Variants in BTRC observed in about 807,000 individuals in gnomAD.
BTRC encodes F-box/WD repeat-containing protein 1A.
A neutral mutation model predicts 85.5 loss-of-function variants in BTRC; 42 were observed. That is an observed-to-expected ratio of 0.49 (90% confidence interval 0.38 to 0.64). BTRC has a LOEUF of 0.64. BTRC is among the 30% of genes least tolerant of loss of function. The probability of loss-of-function intolerance (pLI) is 0.00; values close to 1 mark genes in which losing one functional copy is unlikely to be tolerated. For missense variants in BTRC, 594 were observed against 743.5 expected, an observed-to-expected ratio of 0.80 and a Z score of 2.34; for synonymous variants, 255 against 263.3, an observed-to-expected ratio of 0.97 and a Z score of 0.30.
chr10:101,404,486 T>C (rs1034193927), intron 1 of BTRC, among the ~76,000 whole-genome samples: 3 of 152,336 alleles, frequency 2.0e-5, no homozygotes, highest in Non-Finnish European at 4.4e-5. Flanking sequence ...ATTATGCAAC[T>C]CAGTTTTGTT....
At chr10:101,412,570 T>C (rs1297780898) in intron 1 of BTRC, among the ~76,000 whole-genome samples, 1 of 152,250 alleles carries the variant, frequency 6.6e-6, no homozygotes, top group East Asian at 1.9e-4. Context: ...TAGAGTTTAA[T>C]TTTATTTAAA....
At position 101,452,287 on chromosome 10, in the gene BTRC, A is replaced by G. The variant is rs192034325; in HGVS notation, c.157-9694A>G. 4.2e-3 allele frequency among the ~76,000 whole-genome samples: 642 copies of G among 152,284 alleles called. 8 individuals carry two copies. Among genetic ancestry groups the G allele is most frequent in the African/African-American group, 0.015 (612 of 41,566 alleles). ...TTTTTTATTATTATTTCTCTTTGCT[A>G]CTGATCCAAATGGTTCAGCTTGACA... On this transcript the variant is annotated intron_variant, in intron 2 of 14. Coordinates refer to ENST00000370187, the MANE Select transcript of BTRC (RefSeq NM_033637.4).
chr10:101,522,395 A>T (rs1326975801), intron 5 of BTRC, among the ~76,000 whole-genome samples: 3 of 112,086 alleles, frequency 2.7e-5, no homozygotes, highest in African/African-American at 6.2e-5. Context: ...AAAAAACTCT[A>T]GAAATAAAGA....
At chr10:101,448,152 T>C (rs1944873667) in intron 2 of BTRC, among the ~76,000 whole-genome samples, 1 of 152,194 alleles carries the variant, frequency 6.6e-6, no homozygotes, top group African/African-American at 2.4e-5. Context: ...AGCCATTCTC[T>C]AGCATTCCAG....
chr10:101,468,106 C>T (rs748439018), intron 3 of BTRC, among the ~76,000 whole-genome samples: 52 of 152,070 alleles, frequency 3.4e-4, no homozygotes, highest in Admixed American at 1.1e-3. Flanking sequence ...ATTTAATAAC[C>T]GGCTTTCTTA....
chr10:101,354,882 G>C lies in BTRC; in HGVS notation c.48+654G>C, dbSNP rs572975291. Among the ~76,000 whole-genome samples the C allele has an allele frequency of 2.1e-3, 321 of 152,260 alleles. 4 individuals are homozygous for C. Among genetic ancestry groups the C allele is most frequent in the African/African-American group, 7.2e-3 (299 of 41,566 alleles). On this transcript the variant is annotated intron_variant, in intron 1 of 14. Transcript: ENST00000370187. ...GCCTCACTAAAGAAGATAAGGACTG[G>C]GAATGAGGACCTAGGGCTATAATGA...
intron 2 of BTRC, among the ~76,000 whole-genome samples, chr10:101,435,154 G>C (rs889177378): frequency 6.6e-6 from 1 of 151,782 alleles, no homozygotes; most frequent in Non-Finnish European, 1.5e-5. Flanking sequence ...TCTGGTTTAG[G>C]TTTTATTTTA....
chr10:101,441,146 ACAAAC>A (rs1944669391), intron 2 of BTRC, among the ~76,000 whole-genome samples: 1 of 152,186 alleles, frequency 6.6e-6, no homozygotes, highest in Admixed American at 6.5e-5. Context: ...ATGAATGAAA[ACAAAC>A]CATTTTTTGC....
At position 101,554,675 on chromosome 10, in the gene BTRC, G is replaced by A. The variant is rs1049391087; in HGVS notation, c.*1552G>A. On this transcript the variant is annotated 3_prime_UTR_variant, in exon 15 of 15. Coordinates refer to ENST00000370187, the MANE Select transcript of BTRC (RefSeq NM_033637.4). Reference sequence around the variant, plus strand: ...CCCCAGCCAATAAAGCGTCTGTGGCGATTGGTGAACAGCATAAACAGCTGG... The same window carrying A: ...CCCCAGCCAATAAAGCGTCTGTGGCAATTGGTGAACAGCATAAACAGCTGG... 6.6e-6 allele frequency: 1 copy of A among 152,600 alleles called. No homozygotes were observed. The highest frequency in any genetic ancestry group is 2.4e-5 in the African/African-American group (1 of 41,444). The allele number at this position is 152,600 out of a possible 1,614,324, so 9.5% of individuals were successfully genotyped here. A position where few individuals can be genotyped will look rare whatever the true frequency, so the allele number is the denominator to read the frequency against.
intron 1 of BTRC, among the ~76,000 whole-genome samples, chr10:101,386,197 T>C (rs1943075144): frequency 1.3e-5 from 2 of 152,196 alleles, no homozygotes; most frequent in Non-Finnish European, 1.5e-5. Context: ...CTACTGATAT[T>C]TCCAGGACCT....
At chr10:101,404,378 T>G (rs1259748213) in intron 1 of BTRC, among the ~76,000 whole-genome samples, 1 of 152,136 alleles carries the variant, frequency 6.6e-6, no homozygotes, top group African/African-American at 2.4e-5. Context: ...TTTCACCGTC[T>G]GTGCCATCTT....
At chr10:101,516,913 A>G (rs1298906499) in intron 4 of BTRC, among the ~76,000 whole-genome samples, 1 of 152,176 alleles carries the variant, frequency 6.6e-6, no homozygotes, top group Non-Finnish European at 1.5e-5. Context: ...CCACCTTTTA[A>G]AAGACAAAGG....
intron 1 of BTRC, chr10:101,354,556 C>T (rs1022856419): frequency 8.0e-6 from 3 of 372,746 alleles, no homozygotes; most frequent in African/African-American, 4.3e-5. Flanking sequence ...AGGAAGCTCT[C>T]TGGAGAAACG....
chr10:101,518,344 T>C (rs1365867635), intron 4 of BTRC, among the ~76,000 whole-genome samples: 1 of 152,202 alleles, frequency 6.6e-6, no homozygotes, highest in Non-Finnish European at 1.5e-5. Flanking sequence ...ATGTGGCCCC[T>C]CTGTATGGCT....
intron 3 of BTRC, among the ~76,000 whole-genome samples, chr10:101,475,650 A>C (rs1269855821): frequency 6.6e-6 from 1 of 152,104 alleles, no homozygotes; most frequent in Non-Finnish European, 1.5e-5. Context: ...TTCTTTCCAA[A>C]GAATGATAGT....
rs990600278 is a variant in BTRC at position 101,503,888 on chromosome 10, G to A, written c.325-17751G>A. 1.3e-4 allele frequency among the ~76,000 whole-genome samples: 20 copies of A among 152,164 alleles called. 1 individual carries two copies. Among genetic ancestry groups the A allele is most frequent in the Admixed American group, 3.3e-4 (5 of 15,268 alleles). ...TTTTTATAGAACACAGAAATTGAAGGATTAGAGCACAAAGAAGAGCAGGGT... is the reference window on the plus strand; with the variant it reads ...TTTTTATAGAACACAGAAATTGAAGAATTAGAGCACAAAGAAGAGCAGGGT... On this transcript the variant is annotated intron_variant, in intron 4 of 14. Coordinates refer to ENST00000370187, the MANE Select transcript of BTRC (RefSeq NM_033637.4).
At chr10:101,415,907 A>G (rs180982043) in intron 1 of BTRC, among the ~76,000 whole-genome samples, 4 of 152,150 alleles carry the variant, frequency 2.6e-5, no homozygotes, top group Non-Finnish European at 5.9e-5. Flanking sequence ...ACTTTCCACT[A>G]TATTGCAGTT....
intron 1 of BTRC, among the ~76,000 whole-genome samples, chr10:101,388,003 A>C (rs953354828): frequency 1.2e-4 from 18 of 152,066 alleles, no homozygotes; most frequent in Admixed American, 9.2e-4. Flanking sequence ...GGAAATTTTT[A>C]TAGATAGCTT....
rs1026376273 is a variant in BTRC, at chr10:101,448,773, A to G, written c.157-13208A>G. Among the ~76,000 whole-genome samples, 16 of 152,036 alleles carry G rather than the reference A, an allele frequency of 1.1e-4. No individual in the cohort carries two copies. The South Asian group carries it at 1.2e-3, about 12-fold the overall frequency. On this transcript the variant is annotated intron_variant, in intron 2 of 14. Transcript: ENST00000370187. ...AAGGAGTATAATTAGTCTGCTTACC[A>G]TTTTAAGAGGAAAGCAAGGGATATA...
Sources: allele counts gnomAD v4.1 joint callset (sites outside exome capture counted in the v4.1 genomes callset), GRCh38; gene constraint gnomAD v4.1.1; transcripts MANE v1.5; gene names NCBI Gene and HGNC (gene_info 2026-07-23, HGNC 2026-07-21).